Variants in SLC1A1 observed in about 807,000 individuals in gnomAD.
SLC1A1 encodes excitatory amino acid transporter 3.
In SLC1A1, 43 loss-of-function variants were observed where a neutral mutation model predicts 53.3. The ratio of observed to expected loss-of-function variants is 0.81; its 90% CI spans 0.63 to 1.04. The LOEUF (loss-of-function observed/expected upper bound fraction) is 1.04. Ranked by LOEUF, SLC1A1 falls within the 50% of genes least tolerant of loss-of-function variation. The pLI is 0.00. For missense variants in SLC1A1, 748 were observed against 664.9 expected, an observed-to-expected ratio of 1.12 and a Z score of -1.37; for synonymous variants, 307 against 243.2, an observed-to-expected ratio of 1.26 and a Z score of -2.44.
intron 6 of SLC1A1, among the ~76,000 whole-genome samples, chr9:4,571,909 A>T (rs1317731646): frequency 6.6e-6 from 1 of 151,928 alleles, no homozygotes; most frequent in East Asian, 1.9e-4. Context: ...CTTCAATCTA[A>T]AATTCATAAT....
chr9:4,580,599 A>ATGTGTGTGTG lies in SLC1A1; in HGVS notation c.1194-2438_1194-2437insGTGTGTGTGT, dbSNP rs770759737. On this transcript the variant is annotated intron_variant, in intron 10 of 11. Coordinates refer to ENST00000262352, the MANE Select transcript of SLC1A1 (RefSeq NM_004170.6). ...TTGTCTCTGGAAAAAAAAAAAATAT[A>ATGTGTGTGTG]TATGTGTGTGTGTGTGTGTGTGTGT... Among the ~76,000 whole-genome samples, 25 of 51,056 alleles carry ATGTGTGTGTG rather than the reference A, an allele frequency of 4.9e-4. 1 individual carries two copies. The highest frequency in any genetic ancestry group is 7.2e-4 in the Admixed American group (3 of 4,182). The allele number at this position is 51,056 out of a possible 152,430, so 33.5% of individuals were successfully genotyped here.
At chr9:4,559,931 A>G (rs1818773132) in intron 2 of SLC1A1, 1 of 152,120 alleles carries the variant, frequency 6.6e-6, no homozygotes, top group Non-Finnish European at 1.5e-5. Context: ...TTTGATAGAG[A>G]GCAAAGGTTT....
At chr9:4,526,701 A>G (rs906954016) in intron 1 of SLC1A1, among the ~76,000 whole-genome samples, 1 of 152,218 alleles carries the variant, frequency 6.6e-6, no homozygotes, top group African/African-American at 2.4e-5. Flanking sequence ...TATACTGAAT[A>G]GAATTCTAAC....
At chr9:4,493,393 A>C (rs1254451634) in intron 1 of SLC1A1, among the ~76,000 whole-genome samples, 2 of 152,240 alleles carry the variant, frequency 1.3e-5, no homozygotes, top group Non-Finnish European at 2.9e-5. Flanking sequence ...CCAGTGACTT[A>C]TAACAGTGGC....
At chr9:4,534,266 C>A (rs564315667) in intron 1 of SLC1A1, among the ~76,000 whole-genome samples, 6,917 of 152,168 alleles carry the variant, frequency 0.045, 187 homozygotes, top group Middle Eastern at 0.071. Context: ...ATCAATGAAT[C>A]CAGGAGCTGG....
chr9:4,512,508 C>CA lies in SLC1A1; in HGVS notation c.91+21746dup, dbSNP rs200037757. On this transcript the variant is annotated intron_variant, in intron 1 of 11. Coordinates refer to ENST00000262352, the MANE Select transcript of SLC1A1 (RefSeq NM_004170.6). ...GGGTGACAGAGTGAGATCCTGTCTCCAAAAAAAACAAACAACAAATAAAAC... is the reference window on the plus strand; with the variant it reads ...GGGTGACAGAGTGAGATCCTGTCTCCAAAAAAAAACAAACAACAAATAAAAC... Among the ~76,000 whole-genome samples the CA allele has an allele frequency of 6.2e-3, 929 of 148,910 alleles. 14 individuals carry two copies. Among genetic ancestry groups the CA allele is most frequent in the African/African-American group, 0.021 (853 of 40,498 alleles).
At chr9:4,558,793 G>C (rs991742151) in intron 2 of SLC1A1, among the ~76,000 whole-genome samples, 4 of 152,002 alleles carry the variant, frequency 2.6e-5, no homozygotes, top group African/African-American at 9.7e-5. Context: ...AGCACTTCAG[G>C]GGCTGGAATC....
intron 1 of SLC1A1, among the ~76,000 whole-genome samples, chr9:4,540,094 C>T (rs982537668): frequency 6.6e-6 from 1 of 152,106 alleles, no homozygotes. Flanking sequence ...ATAAAAACCC[C>T]AGTCTCCAAC....
intron 1 of SLC1A1, among the ~76,000 whole-genome samples, chr9:4,500,142 G>A (rs905459955): frequency 1.3e-5 from 2 of 152,168 alleles, no homozygotes; most frequent in African/African-American, 4.8e-5. Flanking sequence ...GTTCGCCTGA[G>A]GTATTGCAAA....
At chr9:4,542,759 T>G (rs547018456) in intron 1 of SLC1A1, among the ~76,000 whole-genome samples, 69 of 152,336 alleles carry the variant, frequency 4.5e-4, no homozygotes, top group African/African-American at 1.6e-3. Flanking sequence ...CATCGTACTT[T>G]TTAAATTTAT....
intron 1 of SLC1A1, among the ~76,000 whole-genome samples, chr9:4,535,625 C>G (rs1296793138): frequency 2.6e-5 from 4 of 152,124 alleles, no homozygotes; most frequent in Non-Finnish European, 5.9e-5. Context: ...TGAAAACGGC[C>G]ATACTGCCCA....
rs1820193510 is a variant in SLC1A1, at chr9:4,490,581, G to A, written c.-99G>A. 4 of 927,396 alleles carry A rather than the reference G, an allele frequency of 4.3e-6. No homozygotes were observed. The Admixed American group carries it at 8.1e-5, about 19-fold the overall frequency. 57.4% of individuals were successfully genotyped at this position (927,396 alleles called of 1,614,324 possible). On this transcript the variant is annotated 5_prime_UTR_variant, in exon 1 of 12. Coordinates refer to ENST00000262352, the MANE Select transcript of SLC1A1 (RefSeq NM_004170.6). ...CGGCCGGCTCTCACCTCTCCCCTGT[G>A]CACCCGCATCTCGCCGCGCCGCCGA...
At chr9:4,551,333 T>C (rs773884847) in intron 2 of SLC1A1, among the ~76,000 whole-genome samples, 2 of 152,052 alleles carry the variant, frequency 1.3e-5, no homozygotes, top group Non-Finnish European at 1.5e-5. Flanking sequence ...AGGTTCAGTT[T>C]TATTCAGCTA....
intron 1 of SLC1A1, among the ~76,000 whole-genome samples, chr9:4,491,138 G>A (rs1483180112): frequency 1.3e-5 from 2 of 152,120 alleles, no homozygotes; most frequent in African/African-American, 2.4e-5. Context: ...CCCTATCACC[G>A]CCACCTTCCT....
chr9:4,566,223 C>T, intron 5 of SLC1A1, 134 bp downstream of exon 5: 1 of 814,266 alleles, frequency 1.2e-6, no homozygotes, highest in Non-Finnish European at 2.1e-6. Context: ...CTGTGACTGG[C>T]CAAGTTTAAG....
At chr9:4,490,896 CT>C in intron 1 of SLC1A1, 126 bp downstream of exon 1, 1 of 759,022 alleles carries the variant, frequency 1.3e-6, no homozygotes, top group Non-Finnish European at 2.2e-6. Context: ...CCCCCTCGGC[CT>C]TAGCCTCGGG....
In SLC1A1 at chr9:4,586,033, A is replaced by G. The variant is rs185933988; in HGVS notation, c.*475A>G. ...CATCTAAACCACCTGTCCCCAGTTA[A>G]TGTGCCAAAATGTCAATTTTTAACT... On this transcript the variant is annotated 3_prime_UTR_variant, in exon 12 of 12. Coordinates refer to ENST00000262352, the MANE Select transcript of SLC1A1 (RefSeq NM_004170.6). 7.4e-5 allele frequency: 13 copies of G among 175,704 alleles called. No homozygotes were observed. In the East Asian group the frequency reaches 1.8e-3, roughly 24 times the overall value. The allele number at this position is 175,704 out of a possible 1,614,324, so 10.9% of individuals were successfully genotyped here.
intron 1 of SLC1A1, among the ~76,000 whole-genome samples, chr9:4,523,500 T>C (rs1189447678): frequency 6.6e-6 from 1 of 152,176 alleles, no homozygotes; most frequent in Non-Finnish European, 1.5e-5. Context: ...AGAACAAAAG[T>C]TAATATTTCT....
rs1207223884 is a variant in SLC1A1, at chr9:4,490,626, T to A, written c.-54T>A. ...CGCCGAGCAGCCAGCAGTCCCCGGG[T>A]CGCCCAGCCCACGCGCGCACGGCCG... is the stretch of plus-strand genomic sequence containing the variant. On this transcript the variant is annotated 5_prime_UTR_variant, in exon 1 of 12. Transcript: ENST00000262352. The A allele has an allele frequency of 6.8e-7, 1 of 1,465,166 alleles. No homozygotes were observed. Among genetic ancestry groups the A allele is most frequent in the East Asian group, 2.3e-5 (1 of 43,180 alleles). 90.8% of individuals were successfully genotyped at this position (1,465,166 alleles called of 1,614,324 possible). A position where few individuals can be genotyped will look rare whatever the true frequency, so the allele number is the denominator to read the frequency against.
Sources: allele counts gnomAD v4.1 joint callset (sites outside exome capture counted in the v4.1 genomes callset), GRCh38; gene constraint gnomAD v4.1.1; transcripts MANE v1.5; gene names NCBI Gene and HGNC (gene_info 2026-07-23, HGNC 2026-07-21).